Variants in FAM168A observed in about 807,000 individuals in gnomAD.
FAM168A encodes family with sequence similarity 168 member A.
FAM168A carries 3 observed loss-of-function variants against 28.5 expected under a neutral mutation model. That is an observed-to-expected ratio of 0.11 (90% CI 0.05 to 0.27). The LOEUF is 0.27. FAM168A is among the 10% of genes least tolerant of loss of function. The pLI is 1.00. For missense variants in FAM168A, 222 were observed against 311.5 expected, an observed-to-expected ratio of 0.71 and a Z score of 2.16; for synonymous variants, 122 against 124.2, an observed-to-expected ratio of 0.98 and a Z score of 0.12.
intron 1 of FAM168A, among the ~76,000 whole-genome samples, chr11:73,567,197 GTGATAGTATC>G (rs1051499213): frequency 2.0e-5 from 3 of 152,152 alleles, no homozygotes; most frequent in Non-Finnish European, 2.9e-5. Context: ...AAATGTTAAG[GTGATAGTATC>G]TATACAACTT....
At chr11:73,583,387 G>A (rs1347972731) in intron 1 of FAM168A, among the ~76,000 whole-genome samples, 1 of 152,094 alleles carries the variant, frequency 6.6e-6, no homozygotes, top group Non-Finnish European at 1.5e-5. Flanking sequence ...GCTGTTAATA[G>A]GCCAGTTTGA....
chr11:73,449,100 T>A (rs1867378799), intron 2 of FAM168A, among the ~76,000 whole-genome samples: 1 of 152,138 alleles, frequency 6.6e-6, no homozygotes, highest in African/African-American at 2.4e-5. Flanking sequence ...CTTAGCCTCC[T>A]GAGTAGCTGG....
At chr11:73,498,292 C>G (rs572317448) in intron 1 of FAM168A, among the ~76,000 whole-genome samples, 1 of 152,168 alleles carries the variant, frequency 6.6e-6, no homozygotes, top group Non-Finnish European at 1.5e-5. Flanking sequence ...TACAGCAGCC[C>G]ACTCAAGAGC....
intron 1 of FAM168A, among the ~76,000 whole-genome samples, chr11:73,541,684 ATC>A (rs1461195641): frequency 2.0e-5 from 3 of 152,132 alleles, no homozygotes; most frequent in African/African-American, 7.2e-5. Context: ...AACTTCTTTA[ATC>A]TCCTCATCTG....
intron 1 of FAM168A, among the ~76,000 whole-genome samples, chr11:73,565,212 A>T (rs912009213): frequency 1.3e-4 from 20 of 152,322 alleles, no homozygotes; most frequent in Middle Eastern, 3.4e-3. Flanking sequence ...AACAGTCATG[A>T]TCTAAGCATG....
rs368457408 is a variant in FAM168A, at chr11:73,496,873, T to TCTCACA, written c.-18-28382_-18-28381insTGTGAG. The stretch of plus-strand genomic sequence containing the variant: ...CTGCACCCAGCCCTGTATGTTCTTA[T>TCTCACA]CACACACACACACACACACACACAC... On this transcript the variant is annotated intron_variant, in intron 1 of 7. Coordinates refer to ENST00000356467, the MANE Select transcript of FAM168A (RefSeq NM_015159.3). Among the ~76,000 whole-genome samples the TCTCACA allele has an allele frequency of 9.5e-3, 1,335 of 140,208 alleles. 17 individuals are homozygous for TCTCACA. The highest frequency in any genetic ancestry group is 0.029 in the African/African-American group (1,068 of 36,866). The allele number at this position is 140,208 out of a possible 152,430, so 92.0% of individuals were successfully genotyped here.
chr11:73,554,072 C>T (rs1943859942), intron 1 of FAM168A, among the ~76,000 whole-genome samples: 1 of 150,740 alleles, frequency 6.6e-6, no homozygotes, highest in Non-Finnish European at 1.5e-5. Context: ...CCTAAGAAAA[C>T]TACCAAAAAA....
At chr11:73,542,773 T>C (rs1319107416) in intron 1 of FAM168A, among the ~76,000 whole-genome samples, 2 of 152,300 alleles carry the variant, frequency 1.3e-5, no homozygotes, top group African/African-American at 4.8e-5. Flanking sequence ...CCTTGCTCCA[T>C]ACTACAGTAA....
intron 1 of FAM168A, among the ~76,000 whole-genome samples, chr11:73,513,968 G>A (rs771383630): frequency 1.3e-5 from 2 of 152,074 alleles, no homozygotes; most frequent in Non-Finnish European, 2.9e-5. Flanking sequence ...CAGATTGCTT[G>A]AGCCCAGGAA....
chr11:73,519,994 C>T (rs1943355818), intron 1 of FAM168A, among the ~76,000 whole-genome samples: 1 of 151,686 alleles, frequency 6.6e-6, no homozygotes, highest in African/African-American at 2.4e-5. Flanking sequence ...GGGTTAATCA[C>T]AGGTCAAGAA....
At chr11:73,526,885 A>C (rs1159257658) in intron 1 of FAM168A, among the ~76,000 whole-genome samples, 4 of 151,510 alleles carry the variant, frequency 2.6e-5, no homozygotes, top group Non-Finnish European at 5.9e-5. Context: ...AAAAAAAAAA[A>C]AAAAAAAACG....
rs907792899 is a variant in FAM168A, at chr11:73,402,678, C to T, written c.*4085G>A. 8.5e-5 allele frequency: 13 copies of T among 152,238 alleles called. No homozygotes were observed. The highest frequency in any genetic ancestry group is 2.2e-4 in the African/African-American group (9 of 41,448). 9.4% of individuals were successfully genotyped at this position (152,238 alleles called of 1,614,324 possible). A position where few individuals can be genotyped will look rare whatever the true frequency, so the allele number is the denominator to read the frequency against. On this transcript the variant is annotated 3_prime_UTR_variant, in exon 8 of 8. Coordinates refer to ENST00000356467, the MANE Select transcript of FAM168A (RefSeq NM_015159.3). ...GGGATTAGGAAGCCAGGTGTGCAGG[C>T]TTACCAAGGACATGGGTCTCCCAAT...
chr11:73,545,016 ATAGT>A (rs1312855803), intron 1 of FAM168A, among the ~76,000 whole-genome samples: 11 of 87,906 alleles, frequency 1.3e-4, no homozygotes, highest in Non-Finnish European at 1.7e-4. Flanking sequence ...TACTATATAT[ATAGT>A]ATATATAATA....
chr11:73,528,124 A>G (rs1943469024), intron 1 of FAM168A, among the ~76,000 whole-genome samples: 1 of 152,202 alleles, frequency 6.6e-6, no homozygotes, highest in East Asian at 1.9e-4. Context: ...TACTGGCCTC[A>G]TCCAATACTT....
At chr11:73,552,290 G>A (rs1376960535) in intron 1 of FAM168A, among the ~76,000 whole-genome samples, 1 of 152,092 alleles carries the variant, frequency 6.6e-6, no homozygotes, top group African/African-American at 2.4e-5. Flanking sequence ...AGAGCTGTGG[G>A]GAAGACGAAA....
chr11:73,435,444 T>A (rs766873564), intron 2 of FAM168A, among the ~76,000 whole-genome samples: 4 of 152,242 alleles, frequency 2.6e-5, no homozygotes, highest in Non-Finnish European at 5.9e-5. Context: ...TGTTTCCAAG[T>A]GGAATTATTT....
At chr11:73,415,008 G>A (rs891125854) in intron 4 of FAM168A, among the ~76,000 whole-genome samples, 5 of 152,300 alleles carry the variant, frequency 3.3e-5, no homozygotes, top group African/African-American at 9.6e-5. Flanking sequence ...TATGCCACAA[G>A]GACAGCCATA....
At chr11:73,418,280 A>T (rs998779234) in intron 4 of FAM168A, among the ~76,000 whole-genome samples, 2 of 152,220 alleles carry the variant, frequency 1.3e-5, no homozygotes, top group Admixed American at 6.5e-5. Flanking sequence ...TAGATCCCTC[A>T]TGATGGCTTA....
intron 1 of FAM168A, among the ~76,000 whole-genome samples, chr11:73,550,572 C>G (rs1238922363): frequency 2.0e-5 from 3 of 151,986 alleles, no homozygotes; most frequent in African/African-American, 4.8e-5. Flanking sequence ...GGAAGATCAC[C>G]TGAGACTGGG....
Sources: gnomAD v4.1 joint callset for allele counts (sites outside exome capture counted in the v4.1 genomes callset) on GRCh38, gnomAD v4.1.1 for gene constraint, MANE v1.5 for transcripts, NCBI Gene and HGNC (gene_info 2026-07-23, HGNC 2026-07-21) for gene names.